Variants in LUZP2 observed in about 807,000 individuals in gnomAD.
LUZP2 encodes the protein leucine zipper protein 2.
LUZP2 carries 52 observed loss-of-function variants against 51.6 expected under a neutral mutation model. The observed-to-expected ratio is 1.01, with a 90% CI of 0.81 to 1.27. The LOEUF is 1.27. Ranked by LOEUF, LUZP2 falls within the 50% of genes most tolerant of loss-of-function variation. The pLI, the probability that LUZP2 is intolerant of heterozygous loss-of-function variation, is 0.00. For synonymous variants in LUZP2, 154 were observed against 137.3 expected (o/e 1.12, Z -0.85); for missense variants, 436 against 395.4 (o/e 1.10, Z -0.87).
chr11:24,850,453 G>A (rs1459981534), intron 5 of LUZP2, among the ~76,000 whole-genome samples: 3 of 151,962 alleles, frequency 2.0e-5, no homozygotes, highest in African/African-American at 7.2e-5. Flanking sequence ...TTATTTCTGA[G>A]GCCTCTGTTC....
intron 1 of LUZP2, among the ~76,000 whole-genome samples, chr11:24,698,453 T>A (rs780877594): frequency 6.6e-6 from 1 of 152,322 alleles, no homozygotes; most frequent in Non-Finnish European, 1.5e-5. Flanking sequence ...TTCAGAATCA[T>A]ACTGGCAAAG....
intron 5 of LUZP2, among the ~76,000 whole-genome samples, chr11:24,772,349 T>C (rs1025047664): frequency 6.6e-6 from 1 of 152,216 alleles, no homozygotes; most frequent in Non-Finnish European, 1.5e-5. Context: ...ATGGGATATT[T>C]CTTAACATGA....
chr11:24,874,735 A>T lies in LUZP2; in HGVS notation c.397-31256A>T, dbSNP rs118133047. Among the ~76,000 whole-genome samples, 1,039 of 152,280 alleles carry T rather than the reference A, an allele frequency of 6.8e-3. 15 individuals carry two copies. The highest frequency in any genetic ancestry group is 0.057 in the East Asian group (296 of 5,166). ...GTGGGGCACTTGTTGAACTAATGTT[A>T]GCTGCTGAAAAAGATGCTTCTCATG... On this transcript the variant is annotated intron_variant, in intron 5 of 11. Coordinates refer to ENST00000336930, the MANE Select transcript of LUZP2 (RefSeq NM_001009909.4).
chr11:24,657,881 C>G (rs1351407279), intron 1 of LUZP2, among the ~76,000 whole-genome samples: 2 of 152,068 alleles, frequency 1.3e-5, no homozygotes, highest in African/African-American at 2.4e-5. Context: ...TGTGAAGAAC[C>G]TCTTCAAGGA....
chr11:24,812,396 T>C (rs916403908), intron 5 of LUZP2, among the ~76,000 whole-genome samples: 1 of 152,160 alleles, frequency 6.6e-6, no homozygotes, highest in African/African-American at 2.4e-5. Context: ...TCTCAGCTCA[T>C]TGTTTACTAG....
At chr11:24,888,218 C>T (rs1852733417) in intron 5 of LUZP2, among the ~76,000 whole-genome samples, 2 of 152,186 alleles carry the variant, frequency 1.3e-5, no homozygotes, top group South Asian at 2.1e-4. Flanking sequence ...ACTGCAGATG[C>T]CTCCCCCTAC....
At chr11:24,842,858 T>C (rs968058566) in intron 5 of LUZP2, among the ~76,000 whole-genome samples, 6 of 151,820 alleles carry the variant, frequency 4.0e-5, no homozygotes, top group African/African-American at 1.4e-4. Flanking sequence ...GATCCAAAGA[T>C]CTGAATTCAA....
chr11:24,639,383 A>G (rs1007829049), intron 1 of LUZP2, among the ~76,000 whole-genome samples: 1 of 151,640 alleles, frequency 6.6e-6, no homozygotes, highest in African/African-American at 2.4e-5. Context: ...GCTCATAGAT[A>G]TGTAATTCTC....
chr11:24,705,198 T>C (rs1857539646), intron 1 of LUZP2, among the ~76,000 whole-genome samples: 1 of 152,186 alleles, frequency 6.6e-6, no homozygotes, highest in Non-Finnish European at 1.5e-5. Context: ...CTACATTTGT[T>C]CTTTTTATAT....
chr11:24,686,533 T>C (rs1395688627), intron 1 of LUZP2, among the ~76,000 whole-genome samples: 3 of 152,206 alleles, frequency 2.0e-5, no homozygotes, highest in Non-Finnish European at 2.9e-5. Flanking sequence ...ACTGTGTTTT[T>C]ATTCTAAATG....
At chr11:24,565,265 T>C (rs747900784) in intron 1 of LUZP2, among the ~76,000 whole-genome samples, 1 of 152,140 alleles carries the variant, frequency 6.6e-6, no homozygotes, top group Non-Finnish European at 1.5e-5. Context: ...GCAGATGCAT[T>C]AAATAGAAGA....
At chr11:24,813,714 T>G in intron 5 of LUZP2, among the ~76,000 whole-genome samples, 1 of 152,212 alleles carries the variant, frequency 6.6e-6, no homozygotes, top group Non-Finnish European at 1.5e-5. Flanking sequence ...AGGACAAATA[T>G]CCAAACTATA....
At chr11:24,946,379 T>C (rs1237341134) in intron 7 of LUZP2, among the ~76,000 whole-genome samples, 1 of 152,026 alleles carries the variant, frequency 6.6e-6, no homozygotes, top group Non-Finnish European at 1.5e-5. Context: ...TTTTTCTTTT[T>C]GTTTCTGATA....
intron 7 of LUZP2, among the ~76,000 whole-genome samples, chr11:24,926,363 ATATATATATACGTGTG>A (rs1357769047): frequency 0.024 from 1,072 of 44,434 alleles, 94 homozygotes; most frequent in East Asian, 0.22. Flanking sequence ...ATACGTGTGT[ATATATATATACGTGTG>A]TATATATATA....
rs114059444 is a variant in LUZP2, at chr11:24,810,115, G to T, written c.396+46807G>T. ...CAGCCTTCTTTTTGTTTGTTTTACT[G>T]AAGTTACTGGTATCCATTTAGTTTG... On this transcript the variant is annotated intron_variant, in intron 5 of 11. Coordinates refer to ENST00000336930, the MANE Select transcript of LUZP2 (RefSeq NM_001009909.4). 3.6e-3 allele frequency among the ~76,000 whole-genome samples: 546 copies of T among 152,186 alleles called. 3 individuals are homozygous for T. Among genetic ancestry groups the T allele is most frequent in the African/African-American group, 0.013 (536 of 41,536 alleles).
chr11:24,889,860 G>T (rs1429410275), intron 5 of LUZP2, among the ~76,000 whole-genome samples: 1 of 152,146 alleles, frequency 6.6e-6, no homozygotes, highest in Non-Finnish European at 1.5e-5. Context: ...GTCCATTTAT[G>T]GATGGCCACA....
intron 3 of LUZP2, among the ~76,000 whole-genome samples, chr11:24,738,013 C>A (rs901581555): frequency 1.1e-4 from 16 of 151,544 alleles, no homozygotes; most frequent in African/African-American, 3.7e-4. Context: ...AAAAAAAAAT[C>A]AACTTGCTTT....
At chr11:24,629,143 T>C (rs996312885) in intron 1 of LUZP2, among the ~76,000 whole-genome samples, 3 of 152,024 alleles carry the variant, frequency 2.0e-5, no homozygotes, top group African/African-American at 7.2e-5. Flanking sequence ...ATACATAGAT[T>C]TATAGTGGTC....
chr11:24,675,624 A>C (rs951023048), intron 1 of LUZP2, among the ~76,000 whole-genome samples: 2 of 152,076 alleles, frequency 1.3e-5, no homozygotes, highest in Non-Finnish European at 2.9e-5. Context: ...CATTTGAATA[A>C]AAATTGCTGT....
Sources: gnomAD v4.1 joint callset for allele counts (sites outside exome capture counted in the v4.1 genomes callset) on GRCh38, gnomAD v4.1.1 for gene constraint, MANE v1.5 for transcripts, NCBI Gene and HGNC (gene_info 2026-07-23, HGNC 2026-07-21) for gene names.